Variants in CSMD1 observed in about 807,000 individuals in gnomAD.
The protein encoded by CSMD1 is CUB and Sushi multiple domains 1, also known as CUB and sushi domain-containing protein 1.
Under a neutral mutation model 417.5 loss-of-function variants are expected in CSMD1, and 213 were observed. That is an observed-to-expected ratio of 0.51 (90% confidence interval 0.46 to 0.57). The LOEUF (loss-of-function observed/expected upper bound fraction) is 0.57. Among genes scored for constraint, CSMD1 ranks in the 20% least tolerant of loss-of-function variants. CSMD1 has a pLI of 0.00. For missense variants in CSMD1, 6,923 were observed against 4,529.7 expected, an observed-to-expected ratio of 1.53 and a Z score of -15.17; for synonymous variants, 2,862 against 1,736.8, an observed-to-expected ratio of 1.65 and a Z score of -16.11.
intron 4 of CSMD1, among the ~76,000 whole-genome samples, chr8:4,003,006 TAAA>T (rs1563306278): frequency 6.3e-5 from 7 of 111,436 alleles, no homozygotes; most frequent in Non-Finnish European, 1.3e-4. Context: ...TTTTTCAAAA[TAAA>T]TGTATAAAAA....
At chr8:3,825,052 G>A (rs756739653) in intron 5 of CSMD1, among the ~76,000 whole-genome samples, 1 of 152,128 alleles carries the variant, frequency 6.6e-6, no homozygotes, top group Non-Finnish European at 1.5e-5. Context: ...GGGAGACTTC[G>A]CTGTGATGAG....
intron 3 of CSMD1, among the ~76,000 whole-genome samples, chr8:4,400,501 T>C (rs868781461): frequency 6.6e-5 from 10 of 152,108 alleles, no homozygotes; most frequent in Non-Finnish European, 8.8e-5. Flanking sequence ...ACATCACGAG[T>C]TCTAAAAAAG....
intron 3 of CSMD1, among the ~76,000 whole-genome samples, chr8:4,327,606 G>C (rs546310217): frequency 7.9e-5 from 12 of 152,178 alleles, no homozygotes; most frequent in African/African-American, 1.9e-4. Flanking sequence ...TACCAAGTCA[G>C]AAAGGGGAAA....
intron 5 of CSMD1, among the ~76,000 whole-genome samples, chr8:3,968,689 T>A (rs73658511): frequency 0.017 from 2,636 of 152,254 alleles, 68 homozygotes; most frequent in African/African-American, 0.059. Context: ...GTCATTAAGC[T>A]TGCTCTTACT....
intron 6 of CSMD1, among the ~76,000 whole-genome samples, chr8:3,729,319 G>A (rs1802682607): frequency 6.6e-6 from 1 of 152,148 alleles, no homozygotes; most frequent in Non-Finnish European, 1.5e-5. Context: ...GCTGTCTGAG[G>A]GTGGGCTTCG....
At chr8:3,794,232 G>T (rs566712586) in intron 5 of CSMD1, among the ~76,000 whole-genome samples, 1 of 152,158 alleles carries the variant, frequency 6.6e-6, no homozygotes, top group Admixed American at 6.6e-5. Context: ...GGACAATCCT[G>T]TTCTACGCAG....
chr8:3,593,156 G>C (rs1563181888), intron 8 of CSMD1, among the ~76,000 whole-genome samples: 1 of 152,230 alleles, frequency 6.6e-6, no homozygotes, highest in Admixed American at 6.5e-5. Context: ...TGTGATGGTG[G>C]CGTGGAGGCT....
chr8:3,960,343 G>C (rs144652501), intron 5 of CSMD1, among the ~76,000 whole-genome samples: 13 of 152,154 alleles, frequency 8.5e-5, no homozygotes, highest in Non-Finnish European at 1.9e-4. Flanking sequence ...AAATGTAATT[G>C]ACACCCTTTC....
intron 2 of CSMD1, among the ~76,000 whole-genome samples, chr8:4,503,969 C>CAA (rs200846437): frequency 3.6e-4 from 31 of 85,770 alleles, no homozygotes; most frequent in East Asian, 1.4e-3. Flanking sequence ...CTTGCATATT[C>CAA]AAAAAAAAAA....
rs745900789 is a variant in CSMD1 at position 3,107,777 on chromosome 8, T to G, written c.6776A>C (p.Gln2259Pro). ...NFHAFQLKKC[Q>P]PPPAVPQAEM... ...TGCCTGTGGAACCGCTGGGGGAGGT[T>G]GACATTTCTTGAGCTGAAATGCTAA... is the stretch of plus-strand genomic sequence containing the variant. The change falls in exon 45 of 70, where the codon CAA becomes CCA. Residue 2259 changes from glutamine (Q) to proline (P), a missense_variant. Transcript: ENST00000635120. 2 of 1,584,012 alleles carry G rather than the reference T, an allele frequency of 1.3e-6. No individual in the cohort carries two copies. The highest frequency in any genetic ancestry group is 1.4e-5 in the African/African-American group (1 of 72,956).
At position 4,051,031 on chromosome 8, in the gene CSMD1, C is replaced by A. The variant is rs954734800; in HGVS notation, c.416-18932G>T. On this transcript the variant is annotated intron_variant, in intron 3 of 69. Coordinates refer to ENST00000635120, the MANE Select transcript of CSMD1 (RefSeq NM_033225.6). The stretch of plus-strand genomic sequence containing the variant: ...GAGGAAGGAGCCAGAAAACCCACCC[C>A]AACATGATGCCTGAAATCCTCTCTG... Among the ~76,000 whole-genome samples, 3 of 152,016 alleles carry A rather than the reference C, an allele frequency of 2.0e-5. 1 individual carries two copies. The highest frequency in any genetic ancestry group is 4.4e-5 in the Non-Finnish European group (3 of 68,020).
At chr8:4,444,527 G>A (rs1228074233) in intron 2 of CSMD1, among the ~76,000 whole-genome samples, 1 of 151,884 alleles carries the variant, frequency 6.6e-6, no homozygotes, top group African/African-American at 2.4e-5. Flanking sequence ...TTTAGCCACG[G>A]AGAACAATAA....
chr8:4,226,222 A>T (rs1801346420), intron 3 of CSMD1, among the ~76,000 whole-genome samples: 1 of 152,166 alleles, frequency 6.6e-6, no homozygotes, highest in Non-Finnish European at 1.5e-5. Flanking sequence ...CCTTGAAAGG[A>T]TCCCAGCAAA....
chr8:3,753,988 T>C lies in CSMD1; in HGVS notation c.873A>G (p.Arg291=), dbSNP rs753670142. 1 of 1,612,018 alleles carries C rather than the reference T, an allele frequency of 6.2e-7. No homozygotes were observed. Among genetic ancestry groups the C allele is most frequent in the Non-Finnish European group, 8.5e-7 (1 of 1,179,276 alleles). The stretch of plus-strand genomic sequence containing the variant: ...GGTTGCTGTCAGAGGTGAAATGGAG[T>C]CGTAGCCAATTCTTGCTACTGATAA... ...SPVISSKNWL[R]LHFTSDSNHR... is the part of the protein sequence containing the mutation. Residue 291 remains arginine (R), a synonymous_variant, in exon 6 of 70, where the codon CGA becomes CGG. Coordinates refer to ENST00000635120, the MANE Select transcript of CSMD1 (RefSeq NM_033225.6).
intron 4 of CSMD1, among the ~76,000 whole-genome samples, chr8:4,000,545 T>A (rs989776061): frequency 2.0e-5 from 3 of 152,198 alleles, no homozygotes; most frequent in Non-Finnish European, 2.9e-5. Context: ...TGAATCAGGT[T>A]AACAACTAAA....
chr8:3,401,957 C>CT (rs142931460), intron 15 of CSMD1, among the ~76,000 whole-genome samples: 8,313 of 147,222 alleles, frequency 0.056, 288 homozygotes, highest in East Asian at 0.17. Context: ...TTCTTCTTTG[C>CT]TTTTTTTTTT....
At position 2,962,585 on chromosome 8, in the gene CSMD1, C is replaced by T. The variant is rs1803584460; in HGVS notation, c.9509G>A (p.Ser3170Asn). Residue 3170 changes from serine (S) to asparagine (N), a missense_variant, in exon 61 of 70, where the codon AGT becomes AAT. Physicochemically the swap from Ser to Asn is conservative, Grantham distance 46 (BLOSUM62 1). Coordinates refer to ENST00000635120, the MANE Select transcript of CSMD1 (RefSeq NM_033225.6). The stretch of plus-strand genomic sequence containing the variant: ...GAAGACTTCGGACTTATAGGTGAAA[C>T]TTTTCCCACTAAGTCGCCCTTCTGC... ...IPAEGRLSGK[S>N]FTYKSEVFFQ... is the part of the protein sequence containing the mutation. The T allele has an allele frequency of 6.2e-7, 1 of 1,613,784 alleles. No individual in the cohort carries two copies. The highest frequency in any genetic ancestry group is 1.7e-5 in the Admixed American group (1 of 60,006).
At position 4,200,800 on chromosome 8, in the gene CSMD1, G is replaced by C. The variant is rs79698096; in HGVS notation, c.416-168701C>G. Among the ~76,000 whole-genome samples the C allele has an allele frequency of 8.0e-3, 1,211 of 152,318 alleles. 15 individuals are homozygous for C. The highest frequency in any genetic ancestry group is 0.027 in the African/African-American group (1,102 of 41,562). On this transcript the variant is annotated intron_variant, in intron 3 of 69. Coordinates refer to ENST00000635120, the MANE Select transcript of CSMD1 (RefSeq NM_033225.6). ...TTTGTTAATGGAGACGGAGGCTTCAGTGAACTATTGTTAGGCCACTGCACT... is the reference window on the plus strand; with the variant it reads ...TTTGTTAATGGAGACGGAGGCTTCACTGAACTATTGTTAGGCCACTGCACT...
At chr8:4,456,232 T>C (rs1799474867) in intron 2 of CSMD1, among the ~76,000 whole-genome samples, 1 of 152,084 alleles carries the variant, frequency 6.6e-6, no homozygotes, top group South Asian at 2.1e-4. Flanking sequence ...GTTCAGAAAA[T>C]ATGCTTTAAA....
Sources: allele counts gnomAD v4.1 joint callset (sites outside exome capture counted in the v4.1 genomes callset), GRCh38; gene constraint gnomAD v4.1.1; transcripts MANE v1.5; gene names NCBI Gene and HGNC (gene_info 2026-07-23, HGNC 2026-07-21).